The following PDZRN4 variants were observed in gnomAD, a reference collection of about 807,000 sequenced individuals.
The protein encoded by PDZRN4 is PDZ domain containing ring finger 4.
Under a neutral mutation model 99.0 loss-of-function variants are expected in PDZRN4, and 70 were observed. The observed-to-expected ratio is 0.71, with a 90% CI of 0.58 to 0.86. PDZRN4 has a LOEUF of 0.86. Ranked by LOEUF, PDZRN4 falls within the 40% of genes least tolerant of loss-of-function variation. PDZRN4 has a pLI of 0.00. For synonymous variants in PDZRN4, 551 were observed against 501.6 expected (o/e 1.10, Z -1.32); for missense variants, 1,474 against 1,331.2 (o/e 1.11, Z -1.67).
intron 3 of PDZRN4, among the ~76,000 whole-genome samples, chr12:41,291,318 A>C (rs1951455515): frequency 6.6e-6 from 1 of 152,182 alleles, no homozygotes; most frequent in South Asian, 2.1e-4. Flanking sequence ...AGAAAGTCAT[A>C]ACCTTACCTT....
intron 5 of PDZRN4, among the ~76,000 whole-genome samples, chr12:41,523,678 GA>G (rs1326942026): frequency 6.6e-6 from 1 of 152,118 alleles, no homozygotes; most frequent in Non-Finnish European, 1.5e-5. Context: ...CTCAGATGAA[GA>G]TAGTGTTAGG....
chr12:41,288,178 A>G (rs148849488), intron 3 of PDZRN4, among the ~76,000 whole-genome samples: 217 of 152,322 alleles, frequency 1.4e-3, no homozygotes, highest in Non-Finnish European at 2.2e-3. Flanking sequence ...AGCGGGCATT[A>G]TGTACTGTAG....
At chr12:41,460,828 G>GA (rs1952865829) in intron 3 of PDZRN4, among the ~76,000 whole-genome samples, 1 of 152,174 alleles carries the variant, frequency 6.6e-6, no homozygotes, top group African/African-American at 2.4e-5. Flanking sequence ...TATAACTCTA[G>GA]ATGAATAAGT....
At chr12:41,271,968 A>C (rs1388695679) in intron 3 of PDZRN4, among the ~76,000 whole-genome samples, 1 of 152,122 alleles carries the variant, frequency 6.6e-6, no homozygotes, top group Non-Finnish European at 1.5e-5. Flanking sequence ...CACAGACAAC[A>C]AATGATTTTG....
chr12:41,554,778 T>C (rs1293480879), intron 6 of PDZRN4, among the ~76,000 whole-genome samples: 2 of 152,086 alleles, frequency 1.3e-5, no homozygotes, highest in South Asian at 2.1e-4. Flanking sequence ...TGTAAAGTAG[T>C]ACTGAGTAAT....
chr12:41,389,165 A>G (rs910526613), intron 3 of PDZRN4, among the ~76,000 whole-genome samples: 1 of 152,178 alleles, frequency 6.6e-6, no homozygotes, highest in African/African-American at 2.4e-5. Context: ...TCCTTTTAAA[A>G]TGCTTAGATC....
intron 3 of PDZRN4, among the ~76,000 whole-genome samples, chr12:41,439,007 T>A (rs1592059544): frequency 6.6e-6 from 1 of 152,282 alleles, no homozygotes; most frequent in South Asian, 2.1e-4. Context: ...CTCCCTCAGA[T>A]TTCCCCCTGA....
chr12:41,307,103 C>G (rs1951576181), intron 3 of PDZRN4, among the ~76,000 whole-genome samples: 1 of 152,162 alleles, frequency 6.6e-6, no homozygotes, highest in Admixed American at 6.5e-5. Flanking sequence ...AGTTCCAAAG[C>G]TGCTTCAAAA....
At chr12:41,506,753 A>C in intron 4 of PDZRN4, 41 bp downstream of exon 4, 1 of 1,564,350 alleles carries the variant, frequency 6.4e-7, no homozygotes, top group East Asian at 2.3e-5. Context: ...GTTTGTTTCC[A>C]TTTGTCACGT....
At chr12:41,472,586 G>A (rs1953004013) in intron 3 of PDZRN4, among the ~76,000 whole-genome samples, 1 of 152,110 alleles carries the variant, frequency 6.6e-6, no homozygotes, top group African/African-American at 2.4e-5. Flanking sequence ...TGTATATAAT[G>A]TAGAAAAGTT....
chr12:41,500,003 CA>C (rs1339346617), intron 3 of PDZRN4, among the ~76,000 whole-genome samples: 1 of 151,844 alleles, frequency 6.6e-6, no homozygotes, highest in Non-Finnish European at 1.5e-5. Flanking sequence ...AGGCAAATCC[CA>C]AAATGTCACA....
At chr12:41,214,252 TAAAAAAAAAA>T (rs60618442) in intron 3 of PDZRN4, among the ~76,000 whole-genome samples, 4 of 84,754 alleles carry the variant, frequency 4.7e-5, no homozygotes, top group Admixed American at 3.0e-4. Flanking sequence ...ACCCTGTATT[TAAAAAAAAAA>T]AAAAAAAAAA....
chr12:41,236,816 A>G (rs1010911526), intron 3 of PDZRN4, among the ~76,000 whole-genome samples: 5 of 152,164 alleles, frequency 3.3e-5, no homozygotes, highest in African/African-American at 1.2e-4. Context: ...TAGAATAAGG[A>G]AGGTGTGATA....
chr12:41,525,237 T>G (rs10506193), intron 5 of PDZRN4, among the ~76,000 whole-genome samples: 21,208 of 152,074 alleles, frequency 0.14, 1,948 homozygotes, highest in Non-Finnish European at 0.2. Context: ...AAAGACAGAC[T>G]TTCAAAATTT....
intron 3 of PDZRN4, among the ~76,000 whole-genome samples, chr12:41,316,777 A>C (rs1253536894): frequency 6.6e-6 from 1 of 151,696 alleles, no homozygotes; most frequent in African/African-American, 2.4e-5. Context: ...AAATTTGATA[A>C]TATCATTTTA....
At chr12:41,445,082 C>T (rs1952713060) in intron 3 of PDZRN4, among the ~76,000 whole-genome samples, 2 of 151,610 alleles carry the variant, frequency 1.3e-5, no homozygotes, top group African/African-American at 4.8e-5. Flanking sequence ...TGACACAGAC[C>T]TAAGAGAAAG....
At chr12:41,282,973 C>T (rs565446311) in intron 3 of PDZRN4, among the ~76,000 whole-genome samples, 2 of 152,002 alleles carry the variant, frequency 1.3e-5, no homozygotes, top group Admixed American at 1.3e-4. Context: ...ACTAGAGAAG[C>T]AAGAGCAAAC....
chr12:41,298,168 T>A (rs1951508303), intron 3 of PDZRN4, among the ~76,000 whole-genome samples: 1 of 152,148 alleles, frequency 6.6e-6, no homozygotes, highest in Non-Finnish European at 1.5e-5. Context: ...TTCCCAATAA[T>A]CTTACCCCAG....
intron 3 of PDZRN4, among the ~76,000 whole-genome samples, chr12:41,495,135 A>ATG (rs1006987366): frequency 7.3e-5 from 11 of 151,644 alleles, no homozygotes; most frequent in South Asian, 2.1e-4. Flanking sequence ...GTGTTTGTGC[A>ATG]TGTGTGTGTG....
Sources: allele counts gnomAD v4.1 joint callset (sites outside exome capture counted in the v4.1 genomes callset), GRCh38; gene constraint gnomAD v4.1.1; transcripts MANE v1.5; gene names NCBI Gene and HGNC (gene_info 2026-07-23, HGNC 2026-07-21).